ZNF529: variants seen among roughly 807,000 people sequenced by gnomAD.
ZNF529 encodes the protein zinc finger protein 529.
Under a neutral mutation model 10.1 loss-of-function variants are expected in ZNF529, and 11 were observed. That is an observed-to-expected ratio of 1.09 (90% CI 0.69 to 1.81). ZNF529 has a LOEUF of 1.81. ZNF529 is among the 40% of genes most tolerant of loss of function. The pLI, the probability that ZNF529 is intolerant of heterozygous loss-of-function variation, is 0.00. For missense variants in ZNF529, 624 were observed against 666.8 expected (o/e 0.94, Z 0.71); for synonymous variants, 204 against 215.7 (o/e 0.95, Z 0.47).
intron 1 of ZNF529, chr19:36,594,660 A>G (rs939366664): frequency 2.0e-5 from 3 of 152,242 alleles, no homozygotes; most frequent in Non-Finnish European, 2.9e-5. Context: ...GCTGTCCCCC[A>G]ATGCTCTAAT....
At chr19:36,569,581 A>G (rs2036021585) in intron 2 of ZNF529, among the ~76,000 whole-genome samples, 2 of 151,876 alleles carry the variant, frequency 1.3e-5, no homozygotes, top group African/African-American at 4.8e-5. Context: ...TCTAGCCAAC[A>G]TGGTAAAACC....
chr19:36,597,542 T>G (rs923898256), intron 1 of ZNF529, among the ~76,000 whole-genome samples: 18 of 152,174 alleles, frequency 1.2e-4, no homozygotes, highest in African/African-American at 4.1e-4. Flanking sequence ...CATCATACAA[T>G]CCAGCAATTC....
chr19:36,558,922 A>G (rs1022554830), intron 2 of ZNF529, among the ~76,000 whole-genome samples: 16 of 144,408 alleles, frequency 1.1e-4, no homozygotes, highest in African/African-American at 4.3e-4. Flanking sequence ...TAAGAAATTC[A>G]TTCAACTCAA....
chr19:36,547,957 A>C lies in ZNF529; in HGVS notation c.601T>G (p.Cys201Gly). 6.2e-7 allele frequency: 1 copy of C among 1,612,740 alleles called. No individual in the cohort carries two copies. The highest frequency in any genetic ancestry group is 8.5e-7 in the Non-Finnish European group (1 of 1,179,566). ...KIHTGGKNYE[C>G]NQCWKTFGID... Reference sequence around the variant, plus strand: ...CCAAAGGTTTTCCAACATTGATTACATTCATAGTTTTTTCCACCAGTATGT... The same window carrying C: ...CCAAAGGTTTTCCAACATTGATTACCTTCATAGTTTTTTCCACCAGTATGT... Residue 201 changes from cysteine to glycine, a missense_variant, in exon 5 of 5, where the codon TGT (cysteine) becomes GGT (glycine). Coordinates refer to ENST00000591340, the MANE Select transcript of ZNF529 (RefSeq NM_020951.5).
Position 36,547,230 on chromosome 19 carries a change from A to T in ZNF529, c.1328T>A (p.Ile443Asn), listed in dbSNP as rs1039828217. The change falls in exon 5 of 5, where the codon ATT becomes AAT. Residue 443 changes from isoleucine to asparagine, a missense_variant. By Grantham distance (149) the Ile-to-Asn change is moderately radical. Coordinates refer to ENST00000591340, the MANE Select transcript of ZNF529 (RefSeq NM_020951.5). ...VGSELTRHER[I>N]HSGQKPYECK... ...TTCATAAGGTTTTTGACCACTGTGA[A>T]TTCTTTCATGTCGAGTAAGTTCACT... The T allele has an allele frequency of 2.5e-6, 4 of 1,613,656 alleles. No homozygotes were observed. Among genetic ancestry groups the T allele is most frequent in the Non-Finnish European group, 3.4e-6 (4 of 1,179,834 alleles).
intron 2 of ZNF529, among the ~76,000 whole-genome samples, chr19:36,569,388 A>G (rs1479837993): frequency 6.6e-6 from 1 of 152,098 alleles, no homozygotes; most frequent in Non-Finnish European, 1.5e-5. Context: ...ATAGAGCTAA[A>G]GGAAAACAGA....
intron 4 of ZNF529, 63 bp from the exon 5 acceptor site, chr19:36,548,385 G>A (rs1167147810): frequency 1.4e-6 from 2 of 1,409,668 alleles, no homozygotes; most frequent in Non-Finnish European, 1.9e-6. Context: ...AGAAAGAAGA[G>A]ACAATTTAAG....
At chr19:36,564,482 CAT>C (rs1303396083) in intron 2 of ZNF529, among the ~76,000 whole-genome samples, 1 of 152,186 alleles carries the variant, frequency 6.6e-6, no homozygotes, top group Non-Finnish European at 1.5e-5. Flanking sequence ...AGCCAACAAA[CAT>C]ACTTTTTTAA....
rs1491095167 is a variant in ZNF529 at position 36,546,061 on chromosome 19, G to GTGTATATATATATATATATATA, written c.*804_*805insTATATATATATATATATATACA. The stretch of plus-strand genomic sequence containing the variant: ...ATACATATATTGTGTGTGTGTGTGT[G>GTGTATATATATATATATATATA]TATATATATATATATATATAGTGTG... On this transcript the variant is annotated 3_prime_UTR_variant, in exon 5 of 5. Coordinates refer to ENST00000591340, the MANE Select transcript of ZNF529 (RefSeq NM_020951.5). The GTGTATATATATATATATATATA allele has an allele frequency of 5.4e-5, 7 of 130,110 alleles. No homozygotes were observed. The highest frequency in any genetic ancestry group is 2.3e-4 in the East Asian group (1 of 4,306). The allele number at this position is 130,110 out of a possible 1,614,324, so 8.1% of individuals were successfully genotyped here.
At chr19:36,553,111 T>C (rs760138425) in intron 4 of ZNF529, among the ~76,000 whole-genome samples, 1 of 152,022 alleles carries the variant, frequency 6.6e-6, no homozygotes, top group Non-Finnish European at 1.5e-5. Context: ...TATCACAGAG[T>C]TATTGTAAGA....
At chr19:36,600,357 T>C (rs181525820) in intron 1 of ZNF529, among the ~76,000 whole-genome samples, 11 of 152,346 alleles carry the variant, frequency 7.2e-5, no homozygotes, top group South Asian at 2.1e-4. Context: ...GACCAGTTAA[T>C]ATAATCCTTG....
Position 36,554,710 on chromosome 19 carries a change from C to A in ZNF529, c.195G>T (p.Trp65Cys). 6.3e-7 allele frequency: 1 copy of A among 1,575,180 alleles called. No individual in the cohort carries two copies. Among genetic ancestry groups the A allele is most frequent in the Non-Finnish European group, 8.6e-7 (1 of 1,159,210 alleles). Residue 65 changes from tryptophan (W) to cysteine (C), a missense_variant, in exon 4 of 5, where the codon TGG (tryptophan) becomes TGT (cysteine). Transcript: ENST00000591340. Reference protein sequence around the residue: ...YLDSAQRNLYWDVMMENYSNL... With the variant: ...YLDSAQRNLYCDVMMENYSNL... ...TGCTGTAGTTCTCCATCATCACATC[C>A]CAGTACAAGTTCCTCTGAGCAGAAT...
chr19:36,586,344 C>A (rs2036579736), intron 2 of ZNF529, among the ~76,000 whole-genome samples: 1 of 152,094 alleles, frequency 6.6e-6, no homozygotes, highest in African/African-American at 2.4e-5. Flanking sequence ...CGGTGGCTCA[C>A]CCTTGTAATC....
intron 2 of ZNF529, among the ~76,000 whole-genome samples, chr19:36,579,281 A>G (rs2036411414): frequency 1.3e-5 from 2 of 152,184 alleles, no homozygotes; most frequent in Admixed American, 1.3e-4. Context: ...AAAAAGATAC[A>G]CATTAAGTAT....
intron 2 of ZNF529, among the ~76,000 whole-genome samples, chr19:36,565,898 A>C (rs568627108): frequency 6.6e-6 from 1 of 152,212 alleles, no homozygotes; most frequent in Non-Finnish European, 1.5e-5. Flanking sequence ...CAACATGAAG[A>C]GGAGCAGAAC....
Position 36,556,160 on chromosome 19 carries a change from C to G in ZNF529, c.52G>C (p.Val18Leu). 1 of 1,448,098 alleles carries G rather than the reference C, an allele frequency of 6.9e-7. No homozygotes were observed. Among genetic ancestry groups the G allele is most frequent in the Non-Finnish European group, 9.5e-7 (1 of 1,052,470 alleles). 89.7% of individuals were successfully genotyped at this position (1,448,098 alleles called of 1,614,324 possible). A position where few individuals can be genotyped will look rare whatever the true frequency, so the allele number is the denominator to read the frequency against. The change falls in exon 3 of 5, where the codon GTC becomes CTC. Residue 18 changes from valine to leucine, a missense_variant. Physicochemically the swap from Val to Leu is conservative, Grantham distance 32. Coordinates refer to ENST00000591340, the MANE Select transcript of ZNF529 (RefSeq NM_020951.5). The part of the protein sequence containing the change: ...GDHVHGAPHA[V>L]MPEVEFPDQF... ...TCAGGGAATTCCACTTCTGGCATGA[C>G]AGCATGAGGAGCTCCATGGACATGA...
intron 2 of ZNF529, among the ~76,000 whole-genome samples, chr19:36,584,636 G>A (rs925239592): frequency 5.3e-5 from 8 of 151,786 alleles, no homozygotes; most frequent in Non-Finnish European, 1.2e-4. Context: ...GTGTGGTGGC[G>A]CTCACCTGTG....
intron 1 of ZNF529, among the ~76,000 whole-genome samples, chr19:36,572,799 G>A (rs562444488): frequency 9.3e-5 from 14 of 150,562 alleles, no homozygotes; most frequent in African/African-American, 2.9e-4. Flanking sequence ...ATCTATATGC[G>A]TGTGTGTGTG....
At chr19:36,554,635 G>A (rs1222420277) in intron 4 of ZNF529, 35 bp downstream of exon 4, 1 of 1,500,052 alleles carries the variant, frequency 6.7e-7, no homozygotes, top group South Asian at 1.3e-5. Flanking sequence ...AGTCTAGAGA[G>A]TATATTCTAA....
Sources: allele counts gnomAD v4.1 joint callset (sites outside exome capture counted in the v4.1 genomes callset), GRCh38; gene constraint gnomAD v4.1.1; transcripts MANE v1.5; gene names NCBI Gene and HGNC (gene_info 2026-07-23, HGNC 2026-07-21).